FAM76B: variants seen among roughly 807,000 people sequenced by gnomAD.
FAM76B encodes the protein protein FAM76B.
Under a neutral mutation model 51.8 loss-of-function variants are expected in FAM76B, and 16 were observed. The ratio of observed to expected loss-of-function variants is 0.31; its 90% CI spans 0.21 to 0.47. The LOEUF is 0.47. Among genes scored for constraint, FAM76B ranks in the 20% least tolerant of loss-of-function variants. The pLI is 1.00. For synonymous variants in FAM76B, 166 were observed against 129.5 expected (o/e 1.28, Z -1.91); for missense variants, 342 against 392.6 (o/e 0.87, Z 1.09).
In FAM76B at chr11:95,789,558, G is replaced by A. The variant is rs1860875324; in HGVS notation, c.-80C>T. On this transcript the variant is annotated 5_prime_UTR_variant, in exon 1 of 10. Coordinates refer to ENST00000358780, the MANE Select transcript of FAM76B (RefSeq NM_144664.5). ...GAGAACCCGAGAGCCGCCGCCGCCC[G>A]GGCCGCGGGCTCCTCCTCCTCCCCC... The A allele has an allele frequency of 3.0e-6, 4 of 1,321,916 alleles. No individual in the cohort carries two copies. The highest frequency in any genetic ancestry group is 1.3e-5 in the South Asian group (1 of 75,468). The allele number at this position is 1,321,916 out of a possible 1,614,324, so 81.9% of individuals were successfully genotyped here. A position where few individuals can be genotyped will look rare whatever the true frequency, so the allele number is the denominator to read the frequency against.
intron 7 of FAM76B, chr11:95,779,328 T>C: frequency 2.0e-6 from 1 of 511,790 alleles, no homozygotes; most frequent in South Asian, 2.5e-5. Flanking sequence ...TAGATTTGTG[T>C]TTCACTGAAG....
intron 3 of FAM76B, among the ~76,000 whole-genome samples, chr11:95,787,108 T>G (rs745937799): frequency 6.6e-6 from 1 of 152,246 alleles, no homozygotes; most frequent in Admixed American, 6.5e-5. Flanking sequence ...AATTTCACAC[T>G]GGATTCAATA....
At chr11:95,773,165 A>AT (rs1233262975) in intron 9 of FAM76B, among the ~76,000 whole-genome samples, 1 of 151,130 alleles carries the variant, frequency 6.6e-6, no homozygotes, top group Non-Finnish European at 1.5e-5. Context: ...TAATTTTCAT[A>AT]TTTTAAGTAC....
intron 3 of FAM76B, 142 bp from the exon 4 acceptor site, chr11:95,786,416 C>A (rs1433603689): frequency 6.2e-6 from 5 of 812,440 alleles, no homozygotes; most frequent in Non-Finnish European, 9.3e-6. Flanking sequence ...TGCCCTGTCA[C>A]ATGCAATAAC....
Position 95,771,478 on chromosome 11 carries a change from T to C in FAM76B, c.*83A>G. 2.9e-6 allele frequency: 3 copies of C among 1,034,582 alleles called. No individual in the cohort carries two copies. The highest frequency in any genetic ancestry group is 4.3e-6 in the Non-Finnish European group (3 of 691,636). The allele number at this position is 1,034,582 out of a possible 1,614,324, so 64.1% of individuals were successfully genotyped here. A position where few individuals can be genotyped will look rare whatever the true frequency, so the allele number is the denominator to read the frequency against. ...CATTTGGTGTGCAAAAATATTTTTC[T>C]ACTACACAGAATTTAAGGGCTTCAC... On this transcript the variant is annotated 3_prime_UTR_variant, in exon 10 of 10. Coordinates refer to ENST00000358780, the MANE Select transcript of FAM76B (RefSeq NM_144664.5).
At chr11:95,785,995 T>A in intron 4 of FAM76B, 124 bp downstream of exon 4, 1 of 1,178,074 alleles carries the variant, frequency 8.5e-7, no homozygotes, top group Non-Finnish European at 1.2e-6. Flanking sequence ...CACTTTCATC[T>A]AACTACTTGC....
At chr11:95,776,606 A>G (rs1860021543) in intron 8 of FAM76B, among the ~76,000 whole-genome samples, 1 of 151,388 alleles carries the variant, frequency 6.6e-6, no homozygotes, top group Non-Finnish European at 1.5e-5. Flanking sequence ...CAGAATGAGA[A>G]AGGAAAGAAG....
In FAM76B at chr11:95,770,340, T is replaced by C. The variant is rs1859712510; in HGVS notation, c.*1221A>G. The C allele has an allele frequency of 6.6e-6, 1 of 151,872 alleles. No homozygotes were observed. Among genetic ancestry groups the C allele is most frequent in the Non-Finnish European group, 1.5e-5 (1 of 67,542 alleles). The allele number at this position is 151,872 out of a possible 1,614,324, so 9.4% of individuals were successfully genotyped here. ...GAATCTTATAGTAGATTCCAATTTA[T>C]TCAAAGATTATCACAGATTGGATTA... On this transcript the variant is annotated 3_prime_UTR_variant, in exon 10 of 10. Coordinates refer to ENST00000358780, the MANE Select transcript of FAM76B (RefSeq NM_144664.5).
intron 4 of FAM76B, among the ~76,000 whole-genome samples, chr11:95,784,018 C>T (rs1860418731): frequency 6.6e-6 from 1 of 152,238 alleles, no homozygotes; most frequent in East Asian, 1.9e-4. Context: ...TGTGAAATGG[C>T]AAAGACATGG....
chr11:95,785,452 A>G lies in FAM76B; in HGVS notation c.363+667T>C, dbSNP rs181087950. Among the ~76,000 whole-genome samples the G allele has an allele frequency of 7.9e-4, 120 of 152,342 alleles. 1 individual carries two copies. In the East Asian group the frequency reaches 0.019, roughly 24 times the overall value. ...CCTCTAAAAATAAAACCAAGTTTTT[A>G]TCTTCTGTTTGTTCACATGTATTCC... is the stretch of plus-strand genomic sequence containing the variant. On this transcript the variant is annotated intron_variant, in intron 4 of 9. Transcript: ENST00000358780.
intron 5 of FAM76B, among the ~76,000 whole-genome samples, chr11:95,780,361 T>C (rs1565289971): frequency 5.3e-5 from 8 of 151,946 alleles, no homozygotes; most frequent in Admixed American, 3.9e-4. Flanking sequence ...AGAATAGTAT[T>C]TCAATTTAAA....
intron 4 of FAM76B, among the ~76,000 whole-genome samples, chr11:95,785,731 G>A (rs1253583172): frequency 6.6e-6 from 1 of 152,174 alleles, no homozygotes; most frequent in African/African-American, 2.4e-5. Flanking sequence ...TTTCAAATAT[G>A]AGCCTTTATC....
intron 5 of FAM76B, among the ~76,000 whole-genome samples, chr11:95,782,141 G>C (rs972919648): frequency 1.3e-5 from 2 of 151,894 alleles, no homozygotes; most frequent in Non-Finnish European, 2.9e-5. Flanking sequence ...TCATGTTCTT[G>C]ATTTTTCCGT....
In FAM76B at chr11:95,789,559, G is replaced by A. The variant is rs1380303580; in HGVS notation, c.-81C>T. ...AGAACCCGAGAGCCGCCGCCGCCCGGGCCGCGGGCTCCTCCTCCTCCCCCT... is the reference window on the plus strand; with the variant it reads ...AGAACCCGAGAGCCGCCGCCGCCCGAGCCGCGGGCTCCTCCTCCTCCCCCT... On this transcript the variant is annotated 5_prime_UTR_variant, in exon 1 of 10. Transcript: ENST00000358780. 6 of 1,328,198 alleles carry A rather than the reference G, an allele frequency of 4.5e-6. No homozygotes were observed. The Admixed American group carries it at 9.2e-5, about 20-fold the overall frequency. 82.3% of individuals were successfully genotyped at this position (1,328,198 alleles called of 1,614,324 possible). A position where few individuals can be genotyped will look rare whatever the true frequency, so the allele number is the denominator to read the frequency against.
chr11:95,789,544 A>AGCCGCC lies in FAM76B; in HGVS notation c.-72_-67dup. 1 of 1,452,380 alleles carries AGCCGCC rather than the reference A, an allele frequency of 6.9e-7. No individual in the cohort carries two copies. Among genetic ancestry groups the AGCCGCC allele is most frequent in the Non-Finnish European group, 9.3e-7 (1 of 1,074,230 alleles). The allele number at this position is 1,452,380 out of a possible 1,614,324, so 90.0% of individuals were successfully genotyped here. ...GGCGGGGCCCTACGGAGAACCCGAG[A>AGCCGCC]GCCGCCGCCGCCCGGGCCGCGGGCT... On this transcript the variant is annotated 5_prime_UTR_variant, in exon 1 of 10. Transcript: ENST00000358780.
At chr11:95,771,790 C>T (rs1036597316) in intron 9 of FAM76B, 140 bp from the exon 10 acceptor site, 1 of 618,240 alleles carries the variant, frequency 1.6e-6, no homozygotes, top group Non-Finnish European at 2.7e-6. Flanking sequence ...AGAGTTGATA[C>T]CTTTACATTC....
intron 8 of FAM76B, among the ~76,000 whole-genome samples, chr11:95,776,554 T>A (rs536447509): frequency 1.5e-4 from 23 of 151,236 alleles, no homozygotes; most frequent in African/African-American, 5.3e-4. Flanking sequence ...ACCTAACACT[T>A]GAGGTAAAAA....
Position 95,786,021 on chromosome 11 carries a change from G to T in FAM76B, c.363+98C>A, listed in dbSNP as rs185956519. The T allele has an allele frequency of 5.6e-6, 8 of 1,420,686 alleles. No individual in the cohort carries two copies. In the African/African-American group the frequency reaches 1.0e-4, roughly 18 times the overall value. 88.0% of individuals were successfully genotyped at this position (1,420,686 alleles called of 1,614,324 possible). A position where few individuals can be genotyped will look rare whatever the true frequency, so the allele number is the denominator to read the frequency against. ...AACTACTTGCTTTCATGGACCTAAA[G>T]AATAGATCCAGTCTCAGTAGTGTAT... On this transcript the variant is annotated intron_variant, in intron 4 of 9. Transcript: ENST00000358780.
chr11:95,784,397 T>G lies in FAM76B; in HGVS notation c.364-1133A>C, dbSNP rs536309954. ...GCAACAAACCTCCATGACACAAGTT[T>G]ACCTATATAATAAACGTGCACATGT... On this transcript the variant is annotated intron_variant, in intron 4 of 9. Transcript: ENST00000358780. Among the ~76,000 whole-genome samples, 414 of 152,132 alleles carry G rather than the reference T, an allele frequency of 2.7e-3. 3 individuals carry two copies. Among genetic ancestry groups the G allele is most frequent in the Non-Finnish European group, 5.1e-3 (348 of 67,988 alleles).
Sources: gnomAD v4.1 joint callset for allele counts (sites outside exome capture counted in the v4.1 genomes callset) on GRCh38, gnomAD v4.1.1 for gene constraint, MANE v1.5 for transcripts, NCBI Gene and HGNC (gene_info 2026-07-23, HGNC 2026-07-21) for gene names.